STAMBP: variants seen among roughly 807,000 people sequenced by gnomAD.
The protein encoded by STAMBP is STAM-binding protein.
In STAMBP, 31 loss-of-function variants were observed where a neutral mutation model predicts 50.7. That is an observed-to-expected ratio of 0.61 (90% confidence interval 0.46 to 0.83). The LOEUF (loss-of-function observed/expected upper bound fraction) is 0.83, where lower values mean the gene tolerates loss of function less well. STAMBP is among the 40% of genes least tolerant of loss of function. The pLI, the probability that STAMBP is intolerant of heterozygous loss-of-function variation, is 0.00. For synonymous variants in STAMBP, 211 were observed against 192.4 expected, an observed-to-expected ratio of 1.10 and a Z score of -0.80; for missense variants, 472 against 518.9, an observed-to-expected ratio of 0.91 and a Z score of 0.88.
chr2:73,867,996 C>G (rs931416111), downstream of STAMBP, among the ~76,000 whole-genome samples: 1 of 151,460 alleles, frequency 6.6e-6, no homozygotes, highest in Non-Finnish European at 1.5e-5. Flanking sequence ...TGGTGGCACA[C>G]GCCTGTAATC....
At chr2:73,860,432 G>A in intron 9 of STAMBP, 1 of 558,838 alleles carries the variant, frequency 1.8e-6, no homozygotes, top group Non-Finnish European at 2.5e-6. Flanking sequence ...TACTTTATAG[G>A]GTTCTTGAGA....
intron 7 of STAMBP, among the ~76,000 whole-genome samples, chr2:73,856,514 G>A (rs1007255535): frequency 2.2e-4 from 34 of 152,312 alleles, no homozygotes; most frequent in African/African-American, 7.7e-4. Flanking sequence ...ACCAAAGCCT[G>A]AATCATCCAG....
At chr2:73,846,530 A>T (rs1676081264) in intron 4 of STAMBP, among the ~76,000 whole-genome samples, 1 of 151,702 alleles carries the variant, frequency 6.6e-6, no homozygotes, top group Non-Finnish European at 1.5e-5. Context: ...GGAGGCTGAG[A>T]TGGGAGGATC....
chr2:73,835,320 C>G (rs938911845), intron 2 of STAMBP, among the ~76,000 whole-genome samples: 14 of 149,502 alleles, frequency 9.4e-5, no homozygotes, highest in Admixed American at 3.4e-4. Context: ...CGGCACTGCA[C>G]TCCAGCCTGG....
intron 8 of STAMBP, 151 bp downstream of exon 8, chr2:73,859,517 C>A: frequency 4.8e-6 from 3 of 626,446 alleles, no homozygotes; most frequent in South Asian, 2.2e-5. Context: ...TCCTTTTAAG[C>A]CCCATATCAT....
chr2:73,873,488 T>G (rs142431234), exon 11 of STAMBP: 1 of 152,344 alleles, frequency 6.6e-6, no homozygotes, highest in East Asian at 1.9e-4. Context: ...GACAGTGTGG[T>G]TGTCTCCTTA....
chr2:73,852,823 AC>A (rs1366560995), intron 7 of STAMBP, among the ~76,000 whole-genome samples: 1 of 142,706 alleles, frequency 7.0e-6, no homozygotes, highest in African/African-American at 2.7e-5. Flanking sequence ...GATTACAGGT[AC>A]CCGCCACTAT....
Position 73,862,634 on chromosome 2 carries a change from G to T in STAMBP, c.*375G>T. On this transcript the variant is annotated 3_prime_UTR_variant, in exon 10 of 10. Coordinates refer to ENST00000394070, the MANE Select transcript of STAMBP (RefSeq NM_213622.4). ...TCTAATTTCTCTCTAATTTCAATTT[G>T]TTTATATTTACCTCTGGGCTCAATA... 6.4e-6 allele frequency: 1 copy of T among 156,048 alleles called. No homozygotes were observed. Among genetic ancestry groups the T allele is most frequent in the Non-Finnish European group, 1.4e-5 (1 of 70,326 alleles). The allele number at this position is 156,048 out of a possible 1,614,324, so 9.7% of individuals were successfully genotyped here.
At chr2:73,834,285 A>G (rs111871968) in intron 2 of STAMBP, among the ~76,000 whole-genome samples, 1,898 of 92,344 alleles carry the variant, frequency 0.021, 99 homozygotes, top group African/African-American at 0.08. Context: ...ATATATATAT[A>G]TAAAGTTTTT....
intron 1 of STAMBP, among the ~76,000 whole-genome samples, chr2:73,829,781 C>T (rs1673676587): frequency 6.6e-6 from 1 of 152,068 alleles, no homozygotes; most frequent in Non-Finnish European, 1.5e-5. Flanking sequence ...AGAAGACTAC[C>T]CCTGAGGGAA....
intron 7 of STAMBP, among the ~76,000 whole-genome samples, chr2:73,851,945 T>G (rs1425283564): frequency 6.6e-6 from 1 of 152,144 alleles, no homozygotes; most frequent in Non-Finnish European, 1.5e-5. Flanking sequence ...CGGCTAGATA[T>G]GTTTTAATGT....
intron 4 of STAMBP, among the ~76,000 whole-genome samples, chr2:73,846,539 T>TC (rs1423131020): frequency 1.1e-4 from 16 of 151,516 alleles, no homozygotes; most frequent in Non-Finnish European, 1.8e-4. Flanking sequence ...GATGGGAGGA[T>TC]CACCTGCGCC....
chr2:73,842,374 A>T (rs1301402228), intron 2 of STAMBP, among the ~76,000 whole-genome samples: 1 of 152,144 alleles, frequency 6.6e-6, no homozygotes, highest in Non-Finnish European at 1.5e-5. Context: ...AATTGTCCCC[A>T]GTCTGAGTGA....
chr2:73,843,020 A>G (rs549334521), intron 2 of STAMBP, among the ~76,000 whole-genome samples: 10 of 152,212 alleles, frequency 6.6e-5, no homozygotes, highest in African/African-American at 1.9e-4. Context: ...ATTAATATGT[A>G]TCTTGGCTTT....
rs1229007621 is a variant in STAMBP, at chr2:73,829,272, A to C, written c.-251A>C. 6.6e-6 allele frequency: 1 copy of C among 152,300 alleles called. No individual in the cohort carries two copies. Among genetic ancestry groups the C allele is most frequent in the Non-Finnish European group, 1.5e-5 (1 of 68,124 alleles). 9.4% of individuals were successfully genotyped at this position (152,300 alleles called of 1,614,324 possible). A position where few individuals can be genotyped will look rare whatever the true frequency, so the allele number is the denominator to read the frequency against. On this transcript the variant is annotated 5_prime_UTR_variant, in exon 1 of 10. Coordinates refer to ENST00000394070, the MANE Select transcript of STAMBP (RefSeq NM_213622.4). The stretch of plus-strand genomic sequence containing the variant: ...CAAGTTCGTCTTGAGTGCCTTCAAG[A>C]AGGGTTCCTCAAGCAGTTGTCGATA...
chr2:73,845,166 G>A lies in STAMBP; in HGVS notation c.280-1G>A. 4 of 1,613,354 alleles carry A rather than the reference G, an allele frequency of 2.5e-6. No homozygotes were observed. The highest frequency in any genetic ancestry group is 3.4e-6 in the Non-Finnish European group (4 of 1,179,630). On this transcript the variant is annotated splice_acceptor_variant, in intron 3 of 9. Coordinates refer to ENST00000394070, the MANE Select transcript of STAMBP (RefSeq NM_213622.4). LOFTEE classifies it high-confidence loss of function. Reference sequence around the variant, plus strand: ...ATTCTATTTTCTGTTTTGTGTCTCAGAAATTAAAGGAGATTGCATTTCCCA... The same window carrying A: ...ATTCTATTTTCTGTTTTGTGTCTCAAAAATTAAAGGAGATTGCATTTCCCA...
chr2:73,860,356 A>G (rs530869324), intron 9 of STAMBP, among the ~76,000 whole-genome samples: 2 of 152,300 alleles, frequency 1.3e-5, no homozygotes, highest in Admixed American at 6.5e-5. Flanking sequence ...TGTGCCTTTG[A>G]TTGGGCTACT....
chr2:73,844,375 A>G (rs1043651414), intron 2 of STAMBP, among the ~76,000 whole-genome samples: 7 of 152,250 alleles, frequency 4.6e-5, no homozygotes, highest in African/African-American at 7.2e-5. Flanking sequence ...TAAAGGTTAC[A>G]TAAGAGCTAG....
chr2:73,847,227 C>G (rs983591695), intron 4 of STAMBP, among the ~76,000 whole-genome samples, 160 bp from the exon 5 acceptor site: 1 of 152,098 alleles, frequency 6.6e-6, no homozygotes, highest in Non-Finnish European at 1.5e-5. Flanking sequence ...GACTACACTC[C>G]GTGGGTATAA....
Sources: gnomAD v4.1 joint callset for allele counts (sites outside exome capture counted in the v4.1 genomes callset) on GRCh38, gnomAD v4.1.1 for gene constraint, MANE v1.5 for transcripts, NCBI Gene and HGNC (gene_info 2026-07-23, HGNC 2026-07-21) for gene names.